Variants in LMNTD1 observed in about 807,000 individuals in gnomAD.
LMNTD1 encodes the protein lamin tail domain-containing protein 1.
Under a neutral mutation model 50.9 loss-of-function variants are expected in LMNTD1, and 35 were observed. The observed-to-expected ratio is 0.69, with a 90% CI of 0.53 to 0.91. The LOEUF (loss-of-function observed/expected upper bound fraction) is 0.91. Among genes scored for constraint, LMNTD1 ranks in the 40% least tolerant of loss-of-function variants. The pLI is 0.00. For synonymous variants in LMNTD1, 153 were observed against 161.9 expected (o/e 0.94, Z 0.42); for missense variants, 470 against 475.5 (o/e 0.99, Z 0.11).
chr12:25,553,969 T>A (rs189462829), upstream of LMNTD1, among the ~76,000 whole-genome samples: 2 of 152,252 alleles, frequency 1.3e-5, no homozygotes, highest in African/African-American at 4.8e-5. Context: ...TACTAAAATA[T>A]CTTCTAATAT....
chr12:25,541,764 T>C (rs1234232971), intron 4 of LMNTD1, among the ~76,000 whole-genome samples: 4 of 134,264 alleles, frequency 3.0e-5, no homozygotes, highest in Non-Finnish European at 4.8e-5. Context: ...CAAAAGAAAC[T>C]ACCATCAGAG....
intron 1 of LMNTD1, among the ~76,000 whole-genome samples, chr12:25,612,326 A>ACG (rs138267691): frequency 0.04 from 4,178 of 104,646 alleles, 151 homozygotes; most frequent in Admixed American, 0.15. Context: ...ACACACACAC[A>ACG]CACGCGCTCC....
chr12:25,591,837 G>GAGAC (rs1945707294), intron 1 of LMNTD1, among the ~76,000 whole-genome samples: 2 of 140,726 alleles, frequency 1.4e-5, no homozygotes, highest in South Asian at 2.1e-4. Flanking sequence ...GAGAGAGAGA[G>GAGAC]AGAGAGAGAG....
chr12:25,619,244 C>CTATATATATATA (rs1191217404), intron 1 of LMNTD1, among the ~76,000 whole-genome samples: 1 of 73,644 alleles, frequency 1.4e-5, no homozygotes, highest in Non-Finnish European at 2.7e-5. Flanking sequence ...CTCTCTCTCT[C>CTATATATATATA]TCTCTCTCTA....
intron 9 of LMNTD1, among the ~76,000 whole-genome samples, chr12:25,481,610 G>A (rs1565933091): frequency 6.6e-6 from 1 of 151,736 alleles, no homozygotes; most frequent in Non-Finnish European, 1.5e-5. Context: ...AAAATTTTGA[G>A]GATTCAAAGA....
chr12:25,554,052 T>C (rs534969983), upstream of LMNTD1, among the ~76,000 whole-genome samples: 1 of 152,162 alleles, frequency 6.6e-6, no homozygotes, highest in Non-Finnish European at 1.5e-5. Flanking sequence ...TCAAGACGTG[T>C]AACACGTAAT....
rs559058063 is a variant in LMNTD1 at position 25,512,862 on chromosome 12, T to TG, written c.1189+5932_1189+5933insC. ...GAGAATCTACTCACAATTTTTTTTT[T>TG]ATGGGGGGGGGCTTTAATGAAACCT... On this transcript the variant is annotated intron_variant, in intron 8 of 9. Transcript: ENST00000458174. Among the ~76,000 whole-genome samples, 552 of 133,080 alleles carry TG rather than the reference T, an allele frequency of 4.1e-3. 4 individuals are homozygous for TG. The highest frequency in any genetic ancestry group is 0.016 in the African/African-American group (537 of 34,392). The allele number at this position is 133,080 out of a possible 152,430, so 87.3% of individuals were successfully genotyped here. A position where few individuals can be genotyped will look rare whatever the true frequency, so the allele number is the denominator to read the frequency against.
intron 1 of LMNTD1, among the ~76,000 whole-genome samples, chr12:25,622,044 A>G (rs565492727): frequency 6.6e-5 from 10 of 152,354 alleles, no homozygotes; most frequent in Admixed American, 1.3e-4. Context: ...TAAATTCTAT[A>G]CCTTTCAAAA....
upstream of LMNTD1, among the ~76,000 whole-genome samples, chr12:25,555,692 G>A (rs1414764586): frequency 6.6e-6 from 1 of 152,156 alleles, no homozygotes; most frequent in Non-Finnish European, 1.5e-5. Flanking sequence ...ACAGACAGTA[G>A]GAAGCAGATG....
intron 1 of LMNTD1, among the ~76,000 whole-genome samples, chr12:25,619,240 CTCTCTCTCTCTCTATATATATA>C (rs1239106321): frequency 1.6e-5 from 1 of 62,416 alleles, no homozygotes; most frequent in Non-Finnish European, 3.2e-5. Context: ...CTCTCTCTCT[CTCTCTCTCTCTCTATATATATA>C]TATATATATA....
At chr12:25,591,219 CT>C (rs1945686469) in intron 1 of LMNTD1, among the ~76,000 whole-genome samples, 1 of 147,682 alleles carries the variant, frequency 6.8e-6, no homozygotes, top group Non-Finnish European at 1.5e-5. Context: ...TCTTCCCTTA[CT>C]TTTCCCAAAT....
At chr12:25,533,810 A>G (rs1591936843) in intron 4 of LMNTD1, among the ~76,000 whole-genome samples, 3 of 152,316 alleles carry the variant, frequency 2.0e-5, no homozygotes, top group African/African-American at 7.2e-5. Flanking sequence ...GGAAGAATAA[A>G]TGGGGTTTAG....
chr12:25,487,626 C>G (rs1455928218), intron 9 of LMNTD1, among the ~76,000 whole-genome samples: 1 of 127,250 alleles, frequency 7.9e-6, no homozygotes, highest in Non-Finnish European at 1.6e-5. Flanking sequence ...AGAATTTAGT[C>G]CATTTACATT....
chr12:25,524,024 A>C (rs967817678), intron 6 of LMNTD1, among the ~76,000 whole-genome samples: 3 of 152,160 alleles, frequency 2.0e-5, no homozygotes, highest in Non-Finnish European at 4.4e-5. Flanking sequence ...AAGCATGGAG[A>C]GAGGAGAGTC....
At chr12:25,480,014 A>T (rs1221556599) in intron 9 of LMNTD1, among the ~76,000 whole-genome samples, 1 of 152,220 alleles carries the variant, frequency 6.6e-6, no homozygotes, top group Non-Finnish European at 1.5e-5. Context: ...GGGCAATGAC[A>T]GGGGTGGCTG....
chr12:25,647,832 C>A (rs1033854580), intron 1 of LMNTD1, among the ~76,000 whole-genome samples: 1 of 152,160 alleles, frequency 6.6e-6, no homozygotes, highest in Non-Finnish European at 1.5e-5. Flanking sequence ...TTGACTATTA[C>A]AGATTGGTAA....
At chr12:25,501,662 G>T (rs1207402961) in intron 9 of LMNTD1, among the ~76,000 whole-genome samples, 2 of 152,090 alleles carry the variant, frequency 1.3e-5, no homozygotes, top group Non-Finnish European at 2.9e-5. Flanking sequence ...GATAGTATCA[G>T]CCCTGCCTAC....
At chr12:25,487,461 G>A (rs1160405022) in intron 9 of LMNTD1, among the ~76,000 whole-genome samples, 23 of 137,614 alleles carry the variant, frequency 1.7e-4, no homozygotes, top group Non-Finnish European at 2.8e-4. Flanking sequence ...TGCAACCCCT[G>A]CCTTTTTTTG....
At chr12:25,529,670 C>T (rs1942086791) in intron 4 of LMNTD1, among the ~76,000 whole-genome samples, 1 of 152,136 alleles carries the variant, frequency 6.6e-6, no homozygotes, top group Non-Finnish European at 1.5e-5. Context: ...AATCAACATC[C>T]TAACTATTAT....
Sources: gnomAD v4.1 joint callset for allele counts (sites outside exome capture counted in the v4.1 genomes callset) on GRCh38, gnomAD v4.1.1 for gene constraint, MANE v1.5 for transcripts, NCBI Gene and HGNC (gene_info 2026-07-23, HGNC 2026-07-21) for gene names.